NR1D2: variants seen among roughly 807,000 people sequenced by gnomAD.
NR1D2 encodes V-erbA-related protein 1-related.
Under a neutral mutation model 52.2 loss-of-function variants are expected in NR1D2, and 25 were observed. That is an observed-to-expected ratio of 0.48 (90% CI 0.35 to 0.67). The LOEUF (loss-of-function observed/expected upper bound fraction) is 0.67. Among genes scored for constraint, NR1D2 ranks in the 30% least tolerant of loss-of-function variants. NR1D2 has a pLI of 0.01. For missense variants in NR1D2, 681 were observed against 707.2 expected (o/e 0.96, Z 0.42); for synonymous variants, 259 against 230.1 (o/e 1.13, Z -1.14).
intron 6 of NR1D2, among the ~76,000 whole-genome samples, chr3:23,966,691 T>C (rs1057267030): frequency 7.2e-5 from 11 of 152,198 alleles, no homozygotes; most frequent in African/African-American, 2.7e-4. Flanking sequence ...CTTTTGATGT[T>C]CTTCTTGGAG....
At chr3:23,960,387 A>T (rs376736436) in intron 4 of NR1D2, among the ~76,000 whole-genome samples, 5 of 152,124 alleles carry the variant, frequency 3.3e-5, no homozygotes, top group African/African-American at 1.2e-4. Flanking sequence ...CCTGGGTGAC[A>T]CGGTGACACT....
rs748391151 is a variant in NR1D2 at position 23,956,013 on chromosome 3, A to C, written c.284-24A>C. ...GACTCGGTGTTTCCTCCTACTTTTT[A>C]CTTCGTGTCCTTTTGTGTCCTAGAA... On this transcript the variant is annotated intron_variant, in intron 2 of 7. Transcript: ENST00000312521. 3 of 1,563,290 alleles carry C rather than the reference A, an allele frequency of 1.9e-6. No individual in the cohort carries two copies. In the South Asian group the frequency reaches 3.3e-5, roughly 17 times the overall value.
At chr3:23,971,591 G>A (rs1481131117) in intron 7 of NR1D2, among the ~76,000 whole-genome samples, 1 of 151,934 alleles carries the variant, frequency 6.6e-6, no homozygotes, top group Non-Finnish European at 1.5e-5. Context: ...TATTTAGTGA[G>A]TATAACTTAT....
chr3:23,964,646 T>C (rs1340078639), intron 5 of NR1D2: 1 of 171,284 alleles, frequency 5.8e-6, no homozygotes, highest in East Asian at 1.6e-4. Context: ...TGCAAAATTA[T>C]AAAACACCAT....
At chr3:23,969,509 C>G (rs1706534246) in intron 7 of NR1D2, among the ~76,000 whole-genome samples, 1 of 152,158 alleles carries the variant, frequency 6.6e-6, no homozygotes, top group Non-Finnish European at 1.5e-5. Context: ...TATAATGCCT[C>G]TTGCATTTTA....
At position 23,962,462 on chromosome 3, in the gene NR1D2, G is replaced by T; in HGVS notation, c.1003G>T (p.Ala335Ser). The T allele has an allele frequency of 6.2e-7, 1 of 1,614,094 alleles. No individual in the cohort carries two copies. Among genetic ancestry groups the T allele is most frequent in the Non-Finnish European group, 8.5e-7 (1 of 1,179,954 alleles). Residue 335 changes from alanine (A) to serine (S), a missense_variant, in exon 5 of 8, where the codon GCC becomes TCC. This residue lies in a region of NR1D2 where 475 missense variants were observed against 454.5 expected (regional missense o/e 1.05). Transcript: ENST00000312521. ...RNIMHYPNGH[A>S]ICIANGHCMN... ...TATAATGCATTACCCAAATGGTCATGCCATTTGTATTGCAAATGGACATTG... is the reference window on the plus strand; with the variant it reads ...TATAATGCATTACCCAAATGGTCATTCCATTTGTATTGCAAATGGACATTG...
intron 1 of NR1D2, among the ~76,000 whole-genome samples, chr3:23,952,863 G>A (rs1013090154): frequency 6.6e-6 from 1 of 151,924 alleles, no homozygotes; most frequent in Non-Finnish European, 1.5e-5. Context: ...CAGAGGGTTT[G>A]TTTCTTAGCC....
chr3:23,971,716 A>G lies in NR1D2; in HGVS notation c.1543+3693A>G, dbSNP rs569548207. 2.0e-5 allele frequency among the ~76,000 whole-genome samples: 3 copies of G among 151,542 alleles called. 1 individual carries two copies. The South Asian group carries it at 6.3e-4, about 32-fold the overall frequency. On this transcript the variant is annotated intron_variant, in intron 7 of 7. Transcript: ENST00000312521. ...CTCACAGTTTTTGACCTTATACATA[A>G]TGTCTTTTGGATAGTTTAGATAGAA...
rs752078515 is a variant in NR1D2, at chr3:23,965,178, C to T, written c.1332+16C>T. On this transcript the variant is annotated intron_variant, in intron 6 of 7. Transcript: ENST00000312521. ...GACTTTTGAGGTAGGTTTTATTTAT[C>T]CTGAATATTGATGCAGGCAGGGCAT... 2.6e-6 allele frequency: 4 copies of T among 1,554,462 alleles called. No homozygotes were observed. The East Asian group carries it at 6.9e-5, about 27-fold the overall frequency.
intron 5 of NR1D2, 169 bp from the exon 6 acceptor site, chr3:23,964,808 T>A: frequency 2.0e-6 from 1 of 504,178 alleles, no homozygotes; most frequent in South Asian, 3.6e-5. Flanking sequence ...CAAGAGGCTT[T>A]CTACAGTATG....
chr3:23,961,851 G>A (rs1409935148), intron 4 of NR1D2, 126 bp from the exon 5 acceptor site: 1 of 839,014 alleles, frequency 1.2e-6, no homozygotes, highest in Admixed American at 3.1e-5. Context: ...GTGGACCAGA[G>A]ACATGTAGAC....
intron 1 of NR1D2, chr3:23,946,100 G>A (rs1004120154): frequency 3.0e-6 from 3 of 984,810 alleles, no homozygotes; most frequent in Admixed American, 6.2e-5. Context: ...GAAGCCTCGG[G>A]GCAGTGACGT....
chr3:23,967,716 A>G (rs1009487557), intron 6 of NR1D2, 97 bp from the exon 7 acceptor site: 1 of 888,654 alleles, frequency 1.1e-6, no homozygotes, highest in Non-Finnish European at 1.7e-6. Flanking sequence ...TTTCTTTTAT[A>G]TGTGGGATGA....
In NR1D2 at chr3:23,978,660, T is replaced by C. The variant is rs1304452000; in HGVS notation, c.*1241T>C. On this transcript the variant is annotated 3_prime_UTR_variant, in exon 8 of 8. Transcript: ENST00000312521. ...AGAATTTTTATTCTTTCTGAAGAAC[T>C]AATTAATGTTTAAAGCAACTGTTTA... is the stretch of plus-strand genomic sequence containing the variant. 1 of 152,132 alleles carries C rather than the reference T, an allele frequency of 6.6e-6. No homozygotes were observed. The highest frequency in any genetic ancestry group is 1.5e-5 in the Non-Finnish European group (1 of 67,978). The allele number at this position is 152,132 out of a possible 1,614,324, so 9.4% of individuals were successfully genotyped here.
intron 1 of NR1D2, among the ~76,000 whole-genome samples, chr3:23,949,701 T>TTA (rs1307431928): frequency 6.6e-6 from 1 of 152,196 alleles, no homozygotes; most frequent in Non-Finnish European, 1.5e-5. Flanking sequence ...GGAGTAGAAA[T>TTA]TATTTATAAC....
At chr3:23,946,140 T>A in intron 1 of NR1D2, 3 of 984,914 alleles carry the variant, frequency 3.0e-6, no homozygotes, top group African/African-American at 1.7e-5. Flanking sequence ...CCCGCGGGGT[T>A]GCACACTGCG....
chr3:23,976,883 A>G (rs1225192104), intron 7 of NR1D2, among the ~76,000 whole-genome samples: 3 of 152,214 alleles, frequency 2.0e-5, no homozygotes, highest in African/African-American at 7.2e-5. Context: ...ATATGTTTAT[A>G]TACTACATTA....
intron 7 of NR1D2, among the ~76,000 whole-genome samples, chr3:23,971,869 C>T (rs1457345611): frequency 1.3e-5 from 2 of 152,100 alleles, no homozygotes; most frequent in South Asian, 2.1e-4. Flanking sequence ...TCAGTCAATT[C>T]CCAAAGTTGA....
intron 4 of NR1D2, 116 bp downstream of exon 4, chr3:23,959,931 C>G (rs1706192213): frequency 1.1e-6 from 1 of 905,690 alleles, no homozygotes; most frequent in Non-Finnish European, 1.6e-6. Flanking sequence ...TAAGGTGAAG[C>G]AGAAAACATA....
Sources: allele counts gnomAD v4.1 joint callset (sites outside exome capture counted in the v4.1 genomes callset), GRCh38; gene constraint gnomAD v4.1.1; regional missense constraint gnomAD v4.1.1; transcripts MANE v1.5; gene names NCBI Gene and HGNC (gene_info 2026-07-23, HGNC 2026-07-21).